Variants in COL4A5 observed in about 807,000 individuals in gnomAD.
COL4A5 encodes the protein collagen type IV alpha 5 chain.
COL4A5 carries 26 observed loss-of-function variants against 130.2 expected under a neutral mutation model. The observed-to-expected ratio is 0.20, with a 90% CI of 0.15 to 0.28. The LOEUF (loss-of-function observed/expected upper bound fraction) is 0.28, where lower values mean the gene tolerates loss of function less well. Ranked by LOEUF, COL4A5 falls within the 10% of genes least tolerant of loss-of-function variation. The probability of loss-of-function intolerance (pLI) is 1.00; values close to 1 mark genes in which losing one functional copy is unlikely to be tolerated. For synonymous variants in COL4A5, 496 were observed against 439.6 expected (o/e 1.13, Z -1.60); for missense variants, 1,131 against 1,344.3 (o/e 0.84, Z 2.48).
intron 47 of COL4A5, among the ~76,000 whole-genome samples, chrX:108,683,852 CT>C (rs751385360): frequency 4.5e-5 from 5 of 111,515 alleles, no homozygotes. Context: ...GACAACTTGG[CT>C]TACTCTTTTC....
intron 1 of COL4A5, among the ~76,000 whole-genome samples, chrX:108,477,540 G>A (rs962564027): frequency 9.0e-6 from 1 of 111,363 alleles, no homozygotes; most frequent in African/African-American, 3.3e-5. Flanking sequence ...AAGGCCGGGC[G>A]CGGTGGCTCA....
chrX:108,506,023 G>T (rs1345562445), intron 1 of COL4A5, among the ~76,000 whole-genome samples: 2 of 111,832 alleles, frequency 1.8e-5, no homozygotes, highest in South Asian at 3.7e-4. Flanking sequence ...TATTTGATGG[G>T]TTTCAATCCA....
intron 2 of COL4A5, among the ~76,000 whole-genome samples, chrX:108,556,170 C>A (rs1309902920): frequency 9.0e-6 from 1 of 111,333 alleles, no homozygotes; most frequent in Non-Finnish European, 1.9e-5. Flanking sequence ...AGGAAAATTA[C>A]AAAATTTTTC....
chrX:108,456,343 T>G (rs1298264680), intron 1 of COL4A5, among the ~76,000 whole-genome samples: 1 of 112,317 alleles, frequency 8.9e-6, no homozygotes, highest in Admixed American at 9.4e-5. Flanking sequence ...ACTGTAAAAT[T>G]CACCCACTTT....
At chrX:108,531,867 A>G (rs2065390406) in intron 1 of COL4A5, among the ~76,000 whole-genome samples, 1 of 111,833 alleles carries the variant, frequency 8.9e-6, no homozygotes, top group Non-Finnish European at 1.9e-5. Flanking sequence ...GAAACATACT[A>G]CTTACCAAGA....
At chrX:108,618,571 T>C (rs1156610570) in intron 30 of COL4A5, among the ~76,000 whole-genome samples, 1 of 111,962 alleles carries the variant, frequency 8.9e-6, no homozygotes, top group Non-Finnish European at 1.9e-5. Flanking sequence ...GCAAATACAT[T>C]TCATTTATAG....
At chrX:108,632,057 T>C (rs1359093995) in intron 36 of COL4A5, among the ~76,000 whole-genome samples, 1 of 110,271 alleles carries the variant, frequency 9.1e-6, no homozygotes, top group African/African-American at 3.3e-5. Context: ...TTTGAAAACA[T>C]CAACAACATT....
Position 108,687,961 on chromosome X carries a change from T to C in COL4A5, c.4528+267T>C, listed in dbSNP as rs184005145. 9.9e-4 allele frequency among the ~76,000 whole-genome samples: 111 copies of C among 112,273 alleles called. 4 individuals are homozygous for C. In the East Asian group the frequency reaches 0.019, roughly 19 times the overall value. On this transcript the variant is annotated intron_variant, in intron 49 of 52. Transcript: ENST00000328300. The stretch of plus-strand genomic sequence containing the variant: ...ATTTCAAAAAGGCCACATTTACTTT[T>C]AGTTAGATTAGTTATTAAGGGAACA...
At chrX:108,483,242 T>G (rs1331265435) in intron 1 of COL4A5, among the ~76,000 whole-genome samples, 1 of 110,373 alleles carries the variant, frequency 9.1e-6, no homozygotes, top group Non-Finnish European at 1.9e-5. Context: ...TGTGTGTGTG[T>G]GTGTGTATGT....
chrX:108,648,278 A>T (rs1189973298), intron 36 of COL4A5, among the ~76,000 whole-genome samples: 3 of 111,283 alleles, frequency 2.7e-5, no homozygotes, highest in Non-Finnish European at 5.7e-5. Flanking sequence ...TACCAACAAA[A>T]AAAAGTCTAG....
chrX:108,600,614 C>A (rs2066610236), intron 25 of COL4A5, among the ~76,000 whole-genome samples: 1 of 104,731 alleles, frequency 9.5e-6, no homozygotes, highest in Admixed American at 1.1e-4. Context: ...GAAACAGAAC[C>A]AATAAAAAGG....
chrX:108,473,631 A>ATTTTTTTT (rs1406126217), intron 1 of COL4A5, among the ~76,000 whole-genome samples: 7 of 26,476 alleles, frequency 2.6e-4, no homozygotes, highest in African/African-American at 8.2e-4. Context: ...ATATATATAT[A>ATTTTTTTT]TATTTTTTTT....
chrX:108,662,082 C>T, intron 37 of COL4A5, among the ~76,000 whole-genome samples: 1 of 66,767 alleles, frequency 1.5e-5, no homozygotes. Context: ...CCTCCCCCCA[C>T]CCCACAACAG....
chrX:108,598,678 T>A, intron 24 of COL4A5, 24 bp from the exon 25 acceptor site: 1 of 1,191,060 alleles, frequency 8.4e-7, no homozygotes, highest in South Asian at 1.8e-5. Context: ...TATATGTTTC[T>A]GTATTAAACT....
intron 1 of COL4A5, chrX:108,462,738 GT>G (rs905149174): frequency 9.8e-5 from 11 of 112,594 alleles, no homozygotes; most frequent in African/African-American, 3.6e-4. Context: ...GTTTTAGGTA[GT>G]TTTTAAAGTT....
intron 1 of COL4A5, among the ~76,000 whole-genome samples, chrX:108,469,984 T>A (rs1185381538): frequency 8.9e-6 from 1 of 112,444 alleles, no homozygotes; most frequent in South Asian, 3.7e-4. Flanking sequence ...TTTATGGCTG[T>A]GTAGTGTTCC....
chrX:108,661,850 G>A (rs1366593425), intron 37 of COL4A5, among the ~76,000 whole-genome samples: 3 of 110,571 alleles, frequency 2.7e-5, no homozygotes, highest in African/African-American at 6.6e-5. Flanking sequence ...CTTGGCATAC[G>A]GGCTTTATTG....
At chrX:108,659,533 TTC>T (rs1316122398) in intron 37 of COL4A5, among the ~76,000 whole-genome samples, 2 of 110,917 alleles carry the variant, frequency 1.8e-5, no homozygotes, top group Non-Finnish European at 3.8e-5. Context: ...ATTTCTCCTT[TTC>T]TCTCTGTCAA....
intron 19 of COL4A5, among the ~76,000 whole-genome samples, chrX:108,590,235 G>A (rs929283076): frequency 9.0e-6 from 1 of 111,127 alleles, no homozygotes; most frequent in Non-Finnish European, 1.9e-5. Context: ...GAGAATATGT[G>A]TGCAAGATGG....
Sources: gnomAD v4.1 joint callset for allele counts (sites outside exome capture counted in the v4.1 genomes callset) on GRCh38, gnomAD v4.1.1 for gene constraint, MANE v1.5 for transcripts, NCBI Gene and HGNC (gene_info 2026-07-23, HGNC 2026-07-21) for gene names.